RUFY2: variants seen among roughly 807,000 people sequenced by gnomAD.
RUFY2 encodes the protein RUN and FYVE domain containing 2.
In RUFY2, 49 loss-of-function variants were observed where a neutral mutation model predicts 94.4. That is an observed-to-expected ratio of 0.52 (90% CI 0.41 to 0.66). The LOEUF (loss-of-function observed/expected upper bound fraction) is 0.66. Among genes scored for constraint, RUFY2 ranks in the 30% least tolerant of loss-of-function variants. RUFY2 has a pLI of 0.00. For missense variants in RUFY2, 541 were observed against 692.8 expected, an observed-to-expected ratio of 0.78 and a Z score of 2.46; for synonymous variants, 255 against 235.7, an observed-to-expected ratio of 1.08 and a Z score of -0.75.
At chr10:68,399,999 C>T (rs569798320) in intron 3 of RUFY2, among the ~76,000 whole-genome samples, 86 of 152,004 alleles carry the variant, frequency 5.7e-4, no homozygotes, top group Middle Eastern at 3.4e-3. Context: ...AGGCTGGTCT[C>T]GAACTCCCAA....
At chr10:68,377,923 A>G in intron 12 of RUFY2, 1 of 985,428 alleles carries the variant, frequency 1.0e-6, no homozygotes, top group Non-Finnish European at 1.2e-6. Context: ...GCTGCTTCCA[A>G]GGAAGGGAGA....
At chr10:68,407,127 C>G (rs1308858788) in intron 1 of RUFY2, 59 bp downstream of exon 1, 1 of 1,515,074 alleles carries the variant, frequency 6.6e-7, no homozygotes, top group African/African-American at 1.4e-5. Context: ...CCCCGCCTGG[C>G]CGCGGCCCTC....
At chr10:68,375,497 G>A (rs111787043) in intron 13 of RUFY2, among the ~76,000 whole-genome samples, 11 of 152,086 alleles carry the variant, frequency 7.2e-5, no homozygotes, top group South Asian at 2.1e-4. Context: ...ACAATTGGCC[G>A]GGTGTGGTGG....
At chr10:68,391,353 T>C (rs1197632785) in intron 7 of RUFY2, among the ~76,000 whole-genome samples, 1 of 152,082 alleles carries the variant, frequency 6.6e-6, no homozygotes, top group Non-Finnish European at 1.5e-5. Flanking sequence ...CCAGAAATTT[T>C]AAATTACTTA....
intron 10 of RUFY2, among the ~76,000 whole-genome samples, chr10:68,381,723 C>T (rs2049070103): frequency 6.6e-6 from 1 of 152,146 alleles, no homozygotes; most frequent in South Asian, 2.1e-4. Flanking sequence ...TGGCACACGC[C>T]TGTAGTCCCA....
intron 16 of RUFY2, among the ~76,000 whole-genome samples, chr10:68,346,952 T>A (rs2046317643): frequency 6.6e-6 from 1 of 151,988 alleles, no homozygotes. Flanking sequence ...GGGAACAGAC[T>A]CCATCTTTAC....
chr10:68,341,616 T>C, downstream of RUFY2: 1 of 1,613,310 alleles, frequency 6.2e-7, no homozygotes, highest in Non-Finnish European at 8.5e-7. Flanking sequence ...TCTTGAATTC[T>C]ACTCCTGGAG....
chr10:68,372,284 T>C (rs1377600836), intron 13 of RUFY2, among the ~76,000 whole-genome samples: 3 of 152,026 alleles, frequency 2.0e-5, no homozygotes, highest in Admixed American at 6.6e-5. Context: ...ACTATCATCC[T>C]AGCTACTCAG....
intron 15 of RUFY2, among the ~76,000 whole-genome samples, chr10:68,363,330 C>A (rs1372679909): frequency 6.6e-6 from 1 of 152,114 alleles, no homozygotes; most frequent in Non-Finnish European, 1.5e-5. Context: ...GCACACGCCA[C>A]CACAAGCAGC....
At chr10:68,354,169 G>A (rs1245158501) in intron 16 of RUFY2, among the ~76,000 whole-genome samples, 1 of 151,964 alleles carries the variant, frequency 6.6e-6, no homozygotes, top group East Asian at 1.9e-4. Context: ...AATCTTCTTA[G>A]TATAATTTTT....
intron 7 of RUFY2, among the ~76,000 whole-genome samples, chr10:68,391,920 G>A (rs184540363): frequency 1.4e-5 from 2 of 143,806 alleles, no homozygotes; most frequent in Admixed American, 1.4e-4. Context: ...GAGCTGAGAC[G>A]GTGCCATTGC....
intron 1 of RUFY2, 30 bp downstream of exon 1, chr10:68,407,155 CT>C: frequency 6.7e-7 from 1 of 1,494,568 alleles, no homozygotes; most frequent in Non-Finnish European, 8.8e-7. Flanking sequence ...GACTGAGGGC[CT>C]AGCGTTCGGT....
intron 7 of RUFY2, among the ~76,000 whole-genome samples, chr10:68,390,097 ATAAT>A (rs1351944768): frequency 6.6e-6 from 1 of 152,240 alleles, no homozygotes; most frequent in South Asian, 2.1e-4. Context: ...TTAAACATAA[ATAAT>A]TAAGAAACAC....
chr10:68,369,287 C>A (rs1302531061), intron 13 of RUFY2, among the ~76,000 whole-genome samples: 1 of 152,006 alleles, frequency 6.6e-6, no homozygotes, highest in African/African-American at 2.4e-5. Flanking sequence ...GAGTTTGAGA[C>A]CAGCCTGGTC....
intron 15 of RUFY2, among the ~76,000 whole-genome samples, chr10:68,362,613 A>T (rs1302768595): frequency 1.3e-5 from 2 of 151,986 alleles, no homozygotes; most frequent in Admixed American, 1.3e-4. Flanking sequence ...GCAACATGCA[A>T]GACCCCATCT....
Position 68,355,408 on chromosome 10 carries a change from A to C in RUFY2, c.1551-7T>G, listed in dbSNP as rs776665944. 60 of 1,591,168 alleles carry C rather than the reference A, an allele frequency of 3.8e-5. No individual in the cohort carries two copies. Among genetic ancestry groups the C allele is most frequent in the Non-Finnish European group, 4.9e-5 (57 of 1,159,764 alleles). ...TTCAATTTTAAGTTTTGATCTAAAAAGATTACAAATAGGTCCAAATTTCAG... is the reference window on the plus strand; with the variant it reads ...TTCAATTTTAAGTTTTGATCTAAAACGATTACAAATAGGTCCAAATTTCAG... On this transcript the variant is annotated splice_polypyrimidine_tract_variant and splice_region_variant and intron_variant, in intron 15 of 17. Transcript: ENST00000602465.
intron 3 of RUFY2, among the ~76,000 whole-genome samples, chr10:68,397,728 T>C (rs983692429): frequency 6.6e-6 from 1 of 150,970 alleles, no homozygotes; most frequent in African/African-American, 2.4e-5. Context: ...CAGTGAACAG[T>C]GATTGCATCA....
Position 68,383,792 on chromosome 10 carries a change from A to T in RUFY2, c.939+6T>A. On this transcript the variant is annotated splice_donor_region_variant and intron_variant, in intron 10 of 17. Transcript: ENST00000602465. ...TCTTGCTAATGTAATTTTTAATATA[A>T]CCTACCTGTCGTAACTGAGATTCAT... 6.4e-7 allele frequency: 1 copy of T among 1,574,190 alleles called. No homozygotes were observed. The highest frequency in any genetic ancestry group is 8.7e-7 in the Non-Finnish European group (1 of 1,144,004).
intron 13 of RUFY2, among the ~76,000 whole-genome samples, chr10:68,368,868 C>T (rs1340029959): frequency 6.6e-6 from 1 of 152,126 alleles, no homozygotes; most frequent in Non-Finnish European, 1.5e-5. Flanking sequence ...GAGCTGTTCC[C>T]GGGCCAAAGG....
Sources: allele counts gnomAD v4.1 joint callset (sites outside exome capture counted in the v4.1 genomes callset), GRCh38; gene constraint gnomAD v4.1.1; transcripts MANE v1.5; gene names NCBI Gene and HGNC (gene_info 2026-07-23, HGNC 2026-07-21).